Variants in GFOD1 observed in about 807,000 individuals in gnomAD.
The protein encoded by GFOD1 is Gfo/Idh/MocA-like oxidoreductase domain containing 1.
Under a neutral mutation model 25.4 loss-of-function variants are expected in GFOD1, and 9 were observed. The ratio of observed to expected loss-of-function variants is 0.35; its 90% CI spans 0.21 to 0.62. The LOEUF is 0.62. GFOD1 is among the 20% of genes least tolerant of loss of function. The pLI, the probability that GFOD1 is intolerant of heterozygous loss-of-function variation, is 0.72. For synonymous variants in GFOD1, 253 were observed against 245.6 expected, an observed-to-expected ratio of 1.03 and a Z score of -0.28; for missense variants, 403 against 556.9, an observed-to-expected ratio of 0.72 and a Z score of 2.78.
intron 1 of GFOD1, among the ~76,000 whole-genome samples, chr6:13,379,444 G>T (rs1785316498): frequency 6.6e-6 from 1 of 151,742 alleles, no homozygotes; most frequent in African/African-American, 2.4e-5. Flanking sequence ...GTGGAGATCT[G>T]TGCTGGCAGT....
intron 1 of GFOD1, among the ~76,000 whole-genome samples, chr6:13,403,424 C>G (rs1459975833): frequency 2.6e-5 from 4 of 152,148 alleles, no homozygotes; most frequent in African/African-American, 4.8e-5. Context: ...CCGTGCCCAG[C>G]CTGATGATAG....
chr6:13,381,913 GCGCACA>G (rs752020449), intron 1 of GFOD1, among the ~76,000 whole-genome samples: 6,140 of 104,466 alleles, frequency 0.059, 414 homozygotes, highest in African/African-American at 0.18. Flanking sequence ...ACACGCGCGC[GCGCACA>G]CACACACACA....
At chr6:13,427,170 A>G (rs1001574538) in intron 1 of GFOD1, among the ~76,000 whole-genome samples, 1 of 152,198 alleles carries the variant, frequency 6.6e-6, no homozygotes, top group African/African-American at 2.4e-5. Flanking sequence ...TACATTTATC[A>G]GGATCATACA....
chr6:13,386,052 G>A (rs890117695), intron 1 of GFOD1, among the ~76,000 whole-genome samples: 4 of 135,760 alleles, frequency 2.9e-5, no homozygotes, highest in Non-Finnish European at 4.7e-5. Context: ...AGGGAGTTTG[G>A]GTAATTCCTT....
chr6:13,384,451 C>T (rs143927217), intron 1 of GFOD1, among the ~76,000 whole-genome samples: 10 of 152,322 alleles, frequency 6.6e-5, no homozygotes, highest in African/African-American at 2.4e-4. Flanking sequence ...AATGTTTGGA[C>T]ACCTCTATTC....
At chr6:13,456,761 C>G (rs778731090) in intron 1 of GFOD1, among the ~76,000 whole-genome samples, 2 of 152,182 alleles carry the variant, frequency 1.3e-5, no homozygotes, top group Non-Finnish European at 2.9e-5. Flanking sequence ...CTTGGCCCCG[C>G]ACAGATCTGT....
intron 1 of GFOD1, among the ~76,000 whole-genome samples, chr6:13,439,298 C>A (rs969449834): frequency 6.6e-6 from 1 of 152,190 alleles, no homozygotes; most frequent in African/African-American, 2.4e-5. Flanking sequence ...ACCTGTAGGT[C>A]TAAGAAAGTG....
At chr6:13,372,539 G>C (rs557282272) in intron 1 of GFOD1, among the ~76,000 whole-genome samples, 11 of 152,290 alleles carry the variant, frequency 7.2e-5, no homozygotes, top group African/African-American at 2.6e-4. Context: ...TCAGAGCTTT[G>C]GTGGGGCTGA....
intron 1 of GFOD1, among the ~76,000 whole-genome samples, chr6:13,371,822 C>A (rs979780555): frequency 6.6e-6 from 1 of 152,162 alleles, no homozygotes; most frequent in African/African-American, 2.4e-5. Context: ...CATCACGCCA[C>A]GGCTCCATGC....
intron 1 of GFOD1, among the ~76,000 whole-genome samples, chr6:13,405,973 G>C (rs894208851): frequency 6.6e-6 from 1 of 152,188 alleles, no homozygotes; most frequent in African/African-American, 2.4e-5. Context: ...ACATTGGCAA[G>C]GATCTTCCTT....
chr6:13,470,657 A>G (rs1054661152), intron 1 of GFOD1: 44 of 1,446,236 alleles, frequency 3.0e-5, no homozygotes, highest in Non-Finnish European at 3.6e-5. Flanking sequence ...AGAGACAGAG[A>G]AGAGGAACAC....
chr6:13,385,200 C>A (rs1005856808), intron 1 of GFOD1, among the ~76,000 whole-genome samples: 2 of 152,094 alleles, frequency 1.3e-5, no homozygotes, highest in African/African-American at 4.8e-5. Flanking sequence ...GGTGTGTGTC[C>A]GGTGTGAGGT....
Position 13,486,924 on chromosome 6 carries a change from C to A in GFOD1, c.-34G>T. The A allele has an allele frequency of 6.3e-7, 1 of 1,594,988 alleles. No homozygotes were observed. The highest frequency in any genetic ancestry group is 8.5e-7 in the Non-Finnish European group (1 of 1,175,864). On this transcript the variant is annotated 5_prime_UTR_variant, in exon 1 of 2. Coordinates refer to ENST00000379287, the MANE Select transcript of GFOD1 (RefSeq NM_018988.4). ...AGAGCCGCCTGGTTCTGCTTCTGCT[C>A]GGATCTCCAGTCCAACGCGCGCACA...
At position 13,410,679 on chromosome 6, in the gene GFOD1, G is replaced by A. The variant is rs528539753; in HGVS notation, c.254-45017C>T. Among the ~76,000 whole-genome samples the A allele has an allele frequency of 4.0e-5, 6 of 151,740 alleles. No individual in the cohort carries two copies. The South Asian group carries it at 1.0e-3, about 26-fold the overall frequency. ...GAGAGGAAGAAAGGTGGAAAGAAGG[G>A]GCATTAATTACCCAATATGCTGGCA... On this transcript the variant is annotated intron_variant, in intron 1 of 1. Coordinates refer to ENST00000379287, the MANE Select transcript of GFOD1 (RefSeq NM_018988.4).
intron 1 of GFOD1, among the ~76,000 whole-genome samples, chr6:13,407,553 GC>G (rs1562208688): frequency 6.6e-6 from 1 of 152,188 alleles, no homozygotes; most frequent in Non-Finnish European, 1.5e-5. Context: ...TTAAAATAGA[GC>G]CCTTTGTTAT....
Position 13,411,512 on chromosome 6 carries a change from G to A in GFOD1, c.254-45850C>T, listed in dbSNP as rs562095506. 9.2e-5 allele frequency among the ~76,000 whole-genome samples: 14 copies of A among 151,968 alleles called. No individual in the cohort carries two copies. The South Asian group carries it at 1.0e-3, about 11-fold the overall frequency. ...TCACCATGTTAGCCAGGCTGGTCTCGATCTCCTGACCTCAAGTGATCCACC... is the reference window on the plus strand; with the variant it reads ...TCACCATGTTAGCCAGGCTGGTCTCAATCTCCTGACCTCAAGTGATCCACC... On this transcript the variant is annotated intron_variant, in intron 1 of 1. Transcript: ENST00000379287.
chr6:13,465,463 C>G (rs569792496), intron 1 of GFOD1, among the ~76,000 whole-genome samples: 2 of 152,306 alleles, frequency 1.3e-5, no homozygotes, highest in African/African-American at 4.8e-5. Flanking sequence ...CCTACAGAAT[C>G]AGAATCTGCA....
rs760239566 is a variant in GFOD1, at chr6:13,363,945, T to G, written c.*798A>C. The G allele has an allele frequency of 6.6e-6, 1 of 152,180 alleles. No individual in the cohort carries two copies. Among genetic ancestry groups the G allele is most frequent in the Non-Finnish European group, 1.5e-5 (1 of 68,032 alleles). The allele number at this position is 152,180 out of a possible 1,614,324, so 9.4% of individuals were successfully genotyped here. ...AGTGTTATAAGGTGACTCCTTGCAG[T>G]TTTTTAATTGTTGACAAGTTCAAAG... On this transcript the variant is annotated 3_prime_UTR_variant, in exon 2 of 2. Transcript: ENST00000379287.
chr6:13,398,402 T>C (rs1344904236), intron 1 of GFOD1, among the ~76,000 whole-genome samples: 1 of 152,210 alleles, frequency 6.6e-6, no homozygotes, highest in Non-Finnish European at 1.5e-5. Context: ...TTCCAAATCT[T>C]GATTGGTGGT....
Sources: allele counts gnomAD v4.1 joint callset (sites outside exome capture counted in the v4.1 genomes callset), GRCh38; gene constraint gnomAD v4.1.1; transcripts MANE v1.5; gene names NCBI Gene and HGNC (gene_info 2026-07-23, HGNC 2026-07-21).